The following CLSTN2 variants were observed in gnomAD, a reference collection of about 807,000 sequenced individuals.
CLSTN2 encodes calsyntenin 2, also known as calsyntenin-2.
A neutral mutation model predicts 101.2 loss-of-function variants in CLSTN2; 48 were observed. The observed-to-expected ratio is 0.47, with a 90% confidence interval of 0.38 to 0.60. CLSTN2 has a LOEUF of 0.60. CLSTN2 is among the 20% of genes least tolerant of loss of function. CLSTN2 has a pLI of 0.00. For missense variants in CLSTN2, 1,160 were observed against 1,238.2 expected (o/e 0.94, Z 0.95); for synonymous variants, 481 against 463.6 (o/e 1.04, Z -0.48).
intron 2 of CLSTN2, among the ~76,000 whole-genome samples, chr3:140,221,864 T>C (rs2086276674): frequency 6.6e-6 from 1 of 151,988 alleles, no homozygotes; most frequent in African/African-American, 2.4e-5. Context: ...TATACACTAT[T>C]GGTGGGAAAG....
rs1465269141 is a variant in CLSTN2, at chr3:140,562,176, T to A, written c.2080T>A (p.Leu694Ile). 1.9e-6 allele frequency: 3 copies of A among 1,614,104 alleles called. No individual in the cohort carries two copies. The highest frequency in any genetic ancestry group is 2.5e-6 in the Non-Finnish European group (3 of 1,179,988). The change falls in exon 13 of 17, where the codon TTA (leucine) becomes ATA (isoleucine). Residue 694 changes from leucine (L) to isoleucine (I), a missense_variant. Transcript: ENST00000458420. ...AGTCTTAGAGGAAATGCTTCATAAC[T>A]TAGATTTCTGTGACATTTTGGTGAT... is the stretch of plus-strand genomic sequence containing the variant. Reference protein sequence around the residue: ...SEVLEEMLHNLDFCDILVIGG... With the variant: ...SEVLEEMLHNIDFCDILVIGG...
At chr3:140,228,835 C>G (rs2086346545) in intron 2 of CLSTN2, among the ~76,000 whole-genome samples, 1 of 152,138 alleles carries the variant, frequency 6.6e-6, no homozygotes. Context: ...ATCATGAGAA[C>G]AGAGCAGGAA....
intron 1 of CLSTN2, among the ~76,000 whole-genome samples, chr3:140,101,182 T>A (rs887338302): frequency 6.6e-6 from 1 of 152,314 alleles, no homozygotes; most frequent in Non-Finnish European, 1.5e-5. Flanking sequence ...TGAAGCCATG[T>A]TCCTGGTACA....
chr3:140,265,049 C>T (rs1184014253), intron 2 of CLSTN2, among the ~76,000 whole-genome samples: 1 of 152,102 alleles, frequency 6.6e-6, no homozygotes, highest in Non-Finnish European at 1.5e-5. Flanking sequence ...ACACATTTGT[C>T]CATTTAATCT....
intron 1 of CLSTN2, among the ~76,000 whole-genome samples, chr3:140,028,432 A>G (rs897668824): frequency 2.0e-5 from 3 of 152,038 alleles, no homozygotes; most frequent in Non-Finnish European, 4.4e-5. Context: ...TTCAGTGTGA[A>G]CTCTTGACAC....
At chr3:140,360,025 C>A (rs1000678836) in intron 2 of CLSTN2, among the ~76,000 whole-genome samples, 2 of 137,202 alleles carry the variant, frequency 1.5e-5, no homozygotes, top group African/African-American at 5.2e-5. Context: ...CACACACACA[C>A]ACATATATAT....
chr3:140,469,669 C>A (rs1933789552), intron 8 of CLSTN2, among the ~76,000 whole-genome samples: 1 of 152,216 alleles, frequency 6.6e-6, no homozygotes, highest in Admixed American at 6.5e-5. Flanking sequence ...TTGCACTGAA[C>A]TCCTGGAGGG....
chr3:140,254,741 G>C (rs2107878310), intron 2 of CLSTN2, among the ~76,000 whole-genome samples: 1 of 152,196 alleles, frequency 6.6e-6, no homozygotes, highest in East Asian at 1.9e-4. Context: ...AGAAAACCTA[G>C]GAAATACCAT....
intron 2 of CLSTN2, among the ~76,000 whole-genome samples, chr3:140,287,945 T>A (rs961414043): frequency 6.6e-6 from 1 of 152,138 alleles, no homozygotes; most frequent in Admixed American, 6.5e-5. Context: ...CTTCAAAATC[T>A]CAGAAGACTA....
intron 9 of CLSTN2, among the ~76,000 whole-genome samples, chr3:140,540,512 G>A (rs905729534): frequency 2.6e-5 from 4 of 152,190 alleles, no homozygotes; most frequent in Admixed American, 1.3e-4. Context: ...GAGAGAAAGC[G>A]AGATTTCAGA....
At chr3:140,184,330 T>C (rs1343869119) in intron 2 of CLSTN2, among the ~76,000 whole-genome samples, 1 of 152,178 alleles carries the variant, frequency 6.6e-6, no homozygotes, top group Non-Finnish European at 1.5e-5. Context: ...TTTAGTTGAC[T>C]TACAGTTCTG....
At chr3:140,278,685 C>A (rs754930233) in intron 2 of CLSTN2, among the ~76,000 whole-genome samples, 14 of 152,206 alleles carry the variant, frequency 9.2e-5, no homozygotes, top group Non-Finnish European at 1.8e-4. Context: ...GCAACTCGCA[C>A]ATCACAGTTA....
intron 2 of CLSTN2, among the ~76,000 whole-genome samples, chr3:140,360,981 A>C (rs1484541857): frequency 2.0e-5 from 3 of 152,210 alleles, no homozygotes; most frequent in Non-Finnish European, 2.9e-5. Context: ...GAAATAGAGG[A>C]GGAAGAAATA....
chr3:140,087,138 G>A (rs532730726), intron 1 of CLSTN2, among the ~76,000 whole-genome samples: 2 of 152,268 alleles, frequency 1.3e-5, no homozygotes, highest in Non-Finnish European at 1.5e-5. Context: ...AGATTTGGGA[G>A]TTTGGGTGAA....
intron 1 of CLSTN2, among the ~76,000 whole-genome samples, chr3:140,085,298 T>C (rs917497049): frequency 6.6e-6 from 1 of 152,244 alleles, no homozygotes; most frequent in Non-Finnish European, 1.5e-5. Flanking sequence ...ACAAGGTGCT[T>C]TTCTTGCCAG....
chr3:140,071,464 A>C (rs571999591), intron 1 of CLSTN2, among the ~76,000 whole-genome samples: 144 of 152,344 alleles, frequency 9.5e-4, no homozygotes, highest in African/African-American at 3.3e-3. Flanking sequence ...ATGACTAACA[A>C]ATGAGAAAAT....
chr3:140,257,062 AT>A (rs1163073854), intron 2 of CLSTN2, among the ~76,000 whole-genome samples: 1 of 152,124 alleles, frequency 6.6e-6, no homozygotes, highest in African/African-American at 2.4e-5. Context: ...GGCACTTAAT[AT>A]TTTTTTAAAA....
chr3:140,548,992 A>ACTTGTT (rs1935658310), intron 10 of CLSTN2, among the ~76,000 whole-genome samples: 1 of 147,934 alleles, frequency 6.8e-6, no homozygotes, highest in South Asian at 2.3e-4. Context: ...TGCTCTCAAT[A>ACTTGTT]GCTAATCACT....
chr3:140,172,810 G>A (rs547424653), intron 1 of CLSTN2, among the ~76,000 whole-genome samples: 23 of 152,262 alleles, frequency 1.5e-4, no homozygotes, highest in East Asian at 1.9e-4. Context: ...ATCAGATCTC[G>A]TGAGACTTAT....
Sources: gnomAD v4.1 joint callset for allele counts (sites outside exome capture counted in the v4.1 genomes callset) on GRCh38, gnomAD v4.1.1 for gene constraint, MANE v1.5 for transcripts, NCBI Gene and HGNC (gene_info 2026-07-23, HGNC 2026-07-21) for gene names.